CRPPA: variants seen among roughly 807,000 people sequenced by gnomAD.
The protein encoded by CRPPA is CDP-L-ribitol pyrophosphorylase A.
Under a neutral mutation model 52.0 loss-of-function variants are expected in CRPPA, and 43 were observed. The ratio of observed to expected loss-of-function variants is 0.83; its 90% CI spans 0.65 to 1.07. The LOEUF is 1.07. CRPPA is among the 50% of genes least tolerant of loss of function. CRPPA has a pLI of 0.00. For synonymous variants in CRPPA, 250 were observed against 203.5 expected (o/e 1.23, Z -1.94); for missense variants, 629 against 551.7 (o/e 1.14, Z -1.40).
chr7:16,113,695 T>C (rs1782312275), intron 9 of CRPPA, among the ~76,000 whole-genome samples: 2 of 149,780 alleles, frequency 1.3e-5, no homozygotes, highest in Admixed American at 1.3e-4. Context: ...AACAAAGCTA[T>C]CAAACTAGAA....
intron 3 of CRPPA, among the ~76,000 whole-genome samples, chr7:16,369,059 C>T (rs1426607298): frequency 6.6e-6 from 1 of 152,128 alleles, no homozygotes; most frequent in Admixed American, 6.6e-5. Context: ...AGAAATGAGA[C>T]TGAACAAGAC....
At chr7:16,114,710 A>T (rs1782334733) in intron 9 of CRPPA, among the ~76,000 whole-genome samples, 1 of 152,000 alleles carries the variant, frequency 6.6e-6, no homozygotes, top group African/African-American at 2.4e-5. Context: ...AAAGAAAAAA[A>T]ATTAGGTTCC....
At chr7:16,116,519 G>C (rs150235493) in intron 9 of CRPPA, among the ~76,000 whole-genome samples, 3,296 of 152,080 alleles carry the variant, frequency 0.022, 125 homozygotes, top group African/African-American at 0.074. Flanking sequence ...ACAAACATTA[G>C]CCAGGCCTGG....
In CRPPA at chr7:16,089,386, A is replaced by ACG. The variant is rs1781775176; in HGVS notation, c.*2308_*2309insCG. 5.3e-6 allele frequency: 2 copies of ACG among 377,158 alleles called. No individual in the cohort carries two copies. The highest frequency in any genetic ancestry group is 1.2e-5 in the Non-Finnish European group (2 of 172,572). The allele number at this position is 377,158 out of a possible 1,614,324, so 23.4% of individuals were successfully genotyped here. On this transcript the variant is annotated 3_prime_UTR_variant, in exon 10 of 10. Transcript: ENST00000407010. Reference sequence around the variant, plus strand: ...TACATGCATGTACATATATACGTATATATGTATGTACATAATGTGTATATA... The same window carrying ACG: ...TACATGCATGTACATATATACGTATACGTATGTATGTACATAATGTGTATATA...
At chr7:16,397,751 CGATTGGCACGT>C (rs1218930799) in intron 2 of CRPPA, among the ~76,000 whole-genome samples, 2 of 152,310 alleles carry the variant, frequency 1.3e-5, no homozygotes, top group African/African-American at 4.8e-5. Context: ...GCGAATGACA[CGATTGGCACGT>C]GATTGGCACG....
chr7:16,288,346 A>C (rs1378010289), intron 5 of CRPPA, among the ~76,000 whole-genome samples: 1 of 152,134 alleles, frequency 6.6e-6, no homozygotes, highest in Non-Finnish European at 1.5e-5. Flanking sequence ...CTATCAATTA[A>C]GTCAAGCTAA....
intron 9 of CRPPA, among the ~76,000 whole-genome samples, chr7:16,138,021 G>A (rs754714411): frequency 2.6e-5 from 4 of 152,064 alleles, no homozygotes; most frequent in South Asian, 2.1e-4. Context: ...CTTTTTTGAA[G>A]TGACAAGAAA....
At chr7:16,141,941 C>T (rs1281610199) in intron 9 of CRPPA, among the ~76,000 whole-genome samples, 2 of 152,112 alleles carry the variant, frequency 1.3e-5, no homozygotes, top group Non-Finnish European at 2.9e-5. Context: ...GGCCCACCCT[C>T]ATGGCTGAAT....
chr7:16,407,343 G>T (rs951906033), intron 1 of CRPPA, among the ~76,000 whole-genome samples: 2 of 152,110 alleles, frequency 1.3e-5, no homozygotes, highest in African/African-American at 4.8e-5. Flanking sequence ...TTAGTGAGTT[G>T]CTGCTGCATT....
chr7:16,337,023 A>G (rs1478358991), intron 3 of CRPPA, among the ~76,000 whole-genome samples: 1 of 152,166 alleles, frequency 6.6e-6, no homozygotes, highest in Non-Finnish European at 1.5e-5. Flanking sequence ...AGATTGCAAT[A>G]CTATAATAGT....
At chr7:16,377,845 C>T (rs555056570) in intron 2 of CRPPA, among the ~76,000 whole-genome samples, 1 of 152,262 alleles carries the variant, frequency 6.6e-6, no homozygotes, top group South Asian at 2.1e-4. Flanking sequence ...AGGCTAAAAT[C>T]TATGCAAGTG....
At chr7:16,288,945 A>C (rs1417523850) in intron 5 of CRPPA, among the ~76,000 whole-genome samples, 1 of 151,728 alleles carries the variant, frequency 6.6e-6, no homozygotes, top group African/African-American at 2.4e-5. Context: ...TAAACCACCC[A>C]AAAATAATAA....
At chr7:16,249,510 G>C (rs1783381973) in intron 8 of CRPPA, among the ~76,000 whole-genome samples, 1 of 152,166 alleles carries the variant, frequency 6.6e-6, no homozygotes, top group African/African-American at 2.4e-5. Flanking sequence ...TGCCCCTCTG[G>C]GACAAAGCTT....
intron 9 of CRPPA, among the ~76,000 whole-genome samples, chr7:16,116,942 T>C (rs1006121334): frequency 6.6e-6 from 1 of 152,196 alleles, no homozygotes; most frequent in Non-Finnish European, 1.5e-5. Context: ...AAAGTCTTTA[T>C]GTGTCACTCT....
chr7:16,210,257 T>C (rs1782096250), intron 9 of CRPPA, among the ~76,000 whole-genome samples: 1 of 152,018 alleles, frequency 6.6e-6, no homozygotes, highest in Non-Finnish European at 1.5e-5. Flanking sequence ...TGGGGGTGAG[T>C]AGCAAGAAAT....
intron 9 of CRPPA, among the ~76,000 whole-genome samples, chr7:16,149,174 A>G (rs1356958023): frequency 1.3e-5 from 2 of 152,176 alleles, no homozygotes; most frequent in Non-Finnish European, 2.9e-5. Context: ...CCATAAGCCA[A>G]GTTATTAGTG....
At chr7:16,302,523 T>C (rs1346138609) in intron 4 of CRPPA, among the ~76,000 whole-genome samples, 2 of 152,102 alleles carry the variant, frequency 1.3e-5, no homozygotes, top group Non-Finnish European at 2.9e-5. Context: ...AATAAGCTTT[T>C]ATAAGGTCTT....
intron 9 of CRPPA, among the ~76,000 whole-genome samples, chr7:16,108,032 C>T (rs750447022): frequency 2.6e-5 from 4 of 151,866 alleles, no homozygotes; most frequent in Non-Finnish European, 5.9e-5. Context: ...GGATTCAAAG[C>T]ATGCTAGCAC....
At chr7:16,143,219 C>T (rs1304780214) in intron 9 of CRPPA, among the ~76,000 whole-genome samples, 2 of 152,116 alleles carry the variant, frequency 1.3e-5, no homozygotes, top group African/African-American at 2.4e-5. Context: ...ATTTTCCTCT[C>T]TGGGAGTGAA....
Sources: gnomAD v4.1 joint callset for allele counts (sites outside exome capture counted in the v4.1 genomes callset) on GRCh38, gnomAD v4.1.1 for gene constraint, MANE v1.5 for transcripts, NCBI Gene and HGNC (gene_info 2026-07-23, HGNC 2026-07-21) for gene names.